AOPEP: variants seen among roughly 807,000 people sequenced by gnomAD.
AOPEP encodes aminopeptidase O (putative), also known as aminopeptidase O.
Under a neutral mutation model 98.1 loss-of-function variants are expected in AOPEP, and 77 were observed. That is an observed-to-expected ratio of 0.78 (90% confidence interval 0.65 to 0.95). The LOEUF (loss-of-function observed/expected upper bound fraction) is 0.95, where lower values mean the gene tolerates loss of function less well. AOPEP is among the 40% of genes least tolerant of loss of function. The pLI is 0.00. For synonymous variants in AOPEP, 346 were observed against 365.3 expected (o/e 0.95, Z 0.60); for missense variants, 1,024 against 1,024.7 (o/e 1.00, Z 0.01).
At chr9:94,878,569 C>G (rs984020050) in intron 5 of AOPEP, among the ~76,000 whole-genome samples, 4 of 151,924 alleles carry the variant, frequency 2.6e-5, no homozygotes, top group Non-Finnish European at 5.9e-5. Context: ...TAAAACCTTG[C>G]GTTATTTAGT....
At chr9:95,042,069 T>G (rs749281685) in intron 13 of AOPEP, among the ~76,000 whole-genome samples, 1 of 152,038 alleles carries the variant, frequency 6.6e-6, no homozygotes, top group Non-Finnish European at 1.5e-5. Flanking sequence ...TCCCAGCACT[T>G]TGGGAGGCCG....
intron 5 of AOPEP, among the ~76,000 whole-genome samples, chr9:94,834,739 A>G (rs942919402): frequency 1.3e-5 from 2 of 152,114 alleles, no homozygotes; most frequent in African/African-American, 4.8e-5. Flanking sequence ...GCTGCAGTGA[A>G]CAGAGATTGC....
At chr9:95,005,417 G>T in intron 12 of AOPEP, 125 bp from the exon 13 acceptor site, 1 of 1,031,100 alleles carries the variant, frequency 9.7e-7, no homozygotes, top group South Asian at 1.4e-5. Flanking sequence ...GGGCGGGCGC[G>T]GGTGGCCTCC....
At chr9:94,873,753 T>C (rs947714987) in intron 5 of AOPEP, among the ~76,000 whole-genome samples, 1 of 152,230 alleles carries the variant, frequency 6.6e-6, no homozygotes, top group African/African-American at 2.4e-5. Flanking sequence ...TGCTTAATAT[T>C]TTTTCAAGCA....
Position 94,980,363 on chromosome 9 carries a change from C to T in AOPEP, c.1977+936C>T, listed in dbSNP as rs568071876. On this transcript the variant is annotated intron_variant, in intron 11 of 16. Coordinates refer to ENST00000375315, the MANE Select transcript of AOPEP (RefSeq NM_001193329.3). This position sits in a 1 kb window ranked among gnomAD's most constrained non-coding sequence, Gnocchi z 4.3. ...GGTCATGGGCCTTGGCATCTGGGGGCGGTCCCGTGTGGTGAGGCAGGCCCT... is the reference window on the plus strand; with the variant it reads ...GGTCATGGGCCTTGGCATCTGGGGGTGGTCCCGTGTGGTGAGGCAGGCCCT... 6.2e-4 allele frequency among the ~76,000 whole-genome samples: 94 copies of T among 152,352 alleles called. No individual in the cohort carries two copies. The highest frequency in any genetic ancestry group is 1.1e-3 in the Non-Finnish European group (76 of 68,026).
chr9:95,105,101 A>G, the AOPEP span, among the ~76,000 whole-genome samples: 2 of 152,250 alleles, frequency 1.3e-5, no homozygotes, highest in African/African-American at 4.8e-5. Flanking sequence ...GGCATGTGGC[A>G]GCCAGTCGTC....
chr9:94,752,465 CA>C (rs1836045925), intron 1 of AOPEP, among the ~76,000 whole-genome samples: 1 of 151,918 alleles, frequency 6.6e-6, no homozygotes, highest in South Asian at 2.1e-4. Context: ...TTCTTATCAG[CA>C]AAAAGATATG....
intron 11 of AOPEP, among the ~76,000 whole-genome samples, chr9:94,982,268 C>T (rs866096506): frequency 6.6e-6 from 1 of 152,092 alleles, no homozygotes; most frequent in Non-Finnish European, 1.5e-5. Flanking sequence ...ACATATTTTA[C>T]GTTTTCCTTT....
chr9:94,827,336 A>G (rs921067998), intron 5 of AOPEP, among the ~76,000 whole-genome samples: 4 of 152,234 alleles, frequency 2.6e-5, no homozygotes, highest in Non-Finnish European at 4.4e-5. Context: ...CAGATGAGGA[A>G]AGTGAGGCTT....
chr9:94,969,239 A>T (rs1454905411), intron 10 of AOPEP, among the ~76,000 whole-genome samples: 1 of 151,732 alleles, frequency 6.6e-6, no homozygotes, highest in African/African-American at 2.4e-5. Flanking sequence ...ACTGCCCTGG[A>T]AGGAGGGAGA....
At chr9:94,737,521 A>C (rs1832050222) in intron 1 of AOPEP, among the ~76,000 whole-genome samples, 1 of 152,238 alleles carries the variant, frequency 6.6e-6, no homozygotes, top group Non-Finnish European at 1.5e-5. Context: ...TTCAGGATAT[A>C]TGGAATGTTA....
At chr9:94,822,883 G>T (rs1030880618) in intron 5 of AOPEP, among the ~76,000 whole-genome samples, 3 of 152,050 alleles carry the variant, frequency 2.0e-5, no homozygotes, top group Admixed American at 2.0e-4. Flanking sequence ...TCTGTATCTC[G>T]CCCGTCTCCT....
At chr9:95,110,499 C>T in the AOPEP span, 14 of 1,030,762 alleles carry the variant, frequency 1.4e-5, no homozygotes, top group South Asian at 6.5e-4. Flanking sequence ...TCCTCAAATA[C>T]ATACGTGGGT....
At chr9:95,104,930 G>A in the AOPEP span, among the ~76,000 whole-genome samples, 6 of 152,164 alleles carry the variant, frequency 3.9e-5, no homozygotes, top group Non-Finnish European at 8.8e-5. Flanking sequence ...CCACCCATAG[G>A]TGAGAGCATG....
chr9:95,086,981 T>C lies in AOPEP; in HGVS notation c.*304T>C, dbSNP rs759965529. The C allele has an allele frequency of 1.7e-4, 166 of 982,662 alleles. No homozygotes were observed. Among genetic ancestry groups the C allele is most frequent in the Non-Finnish European group, 1.9e-4 (161 of 825,994 alleles). The allele number at this position is 982,662 out of a possible 1,614,324, so 60.9% of individuals were successfully genotyped here. On this transcript the variant is annotated 3_prime_UTR_variant, in exon 17 of 17. Transcript: ENST00000375315. ...GATGATTAAATATATCCAAGAGACA[T>C]TGGAAAACCTGCTGAACATTTTACA...
intron 14 of AOPEP, among the ~76,000 whole-genome samples, chr9:95,068,459 A>G (rs1276136064): frequency 6.6e-6 from 1 of 152,102 alleles, no homozygotes; most frequent in Admixed American, 6.5e-5. Flanking sequence ...GACCATTTGC[A>G]TATCTTCTTT....
At chr9:95,110,247 A>ATTTC in the AOPEP span, 70 of 1,006,362 alleles carry the variant, frequency 7.0e-5, no homozygotes, top group Non-Finnish European at 8.2e-5. Context: ...TGAATAATTT[A>ATTTC]TTTCTTTATA....
intron 7 of AOPEP, among the ~76,000 whole-genome samples, chr9:94,950,131 T>A (rs1401627548): frequency 6.6e-6 from 1 of 152,130 alleles, no homozygotes; most frequent in Non-Finnish European, 1.5e-5. Context: ...GTAGAGTGAG[T>A]TCCTGTGTCC....
intron 5 of AOPEP, among the ~76,000 whole-genome samples, chr9:94,853,275 C>G (rs1395436240): frequency 6.6e-6 from 1 of 152,166 alleles, no homozygotes; most frequent in Non-Finnish European, 1.5e-5. Context: ...GCCTGGTAAA[C>G]ATGGTGAAAC....
Sources: allele counts gnomAD v4.1 joint callset (sites outside exome capture counted in the v4.1 genomes callset), GRCh38; gene constraint gnomAD v4.1.1; non-coding constraint Gnocchi (gnomAD v3.1); transcripts MANE v1.5; gene names NCBI Gene and HGNC (gene_info 2026-07-23, HGNC 2026-07-21).